Variants in SHANK2 observed in about 807,000 individuals in gnomAD.
SHANK2 encodes SH3 and multiple ankyrin repeat domains 2.
In SHANK2, 43 loss-of-function variants were observed where a neutral mutation model predicts 133.7. The ratio of observed to expected loss-of-function variants is 0.32; its 90% confidence interval spans 0.25 to 0.41. The LOEUF (loss-of-function observed/expected upper bound fraction) is 0.41. Among genes scored for constraint, SHANK2 ranks in the 10% least tolerant of loss-of-function variants. The pLI is 1.00. For synonymous variants in SHANK2, 1,017 were observed against 952.8 expected (o/e 1.07, Z -1.24); for missense variants, 1,994 against 2,235.8 (o/e 0.89, Z 2.18).
chr11:70,641,600 C>T (rs932078293), intron 17 of SHANK2, among the ~76,000 whole-genome samples: 1 of 152,180 alleles, frequency 6.6e-6, no homozygotes, highest in African/African-American at 2.4e-5. Flanking sequence ...TTCTCTTCTG[C>T]CAGCCAGAGG....
intron 1 of SHANK2, among the ~76,000 whole-genome samples, chr11:71,225,706 G>C (rs1262589030): frequency 1.3e-5 from 2 of 152,224 alleles, no homozygotes; most frequent in African/African-American, 4.8e-5. Flanking sequence ...CTGACAAAGA[G>C]TTGAAAGCAA....
intron 17 of SHANK2, among the ~76,000 whole-genome samples, chr11:70,546,545 C>T (rs1221475366): frequency 6.6e-6 from 1 of 152,208 alleles, no homozygotes; most frequent in Non-Finnish European, 1.5e-5. Context: ...AGAGTCCAGA[C>T]ACCTTGCCTC....
chr11:71,094,660 C>T lies in SHANK2; in HGVS notation c.621G>A (p.Leu207=). ...GETPLTLAAQ[L]DDSVEVIKAL... ...CTTTGATGACCTCCACAGAGTCGTCCAGCTGAGCGGCTAAGGTCAGGGGGG... is the reference window on the plus strand; with the variant it reads ...CTTTGATGACCTCCACAGAGTCGTCTAGCTGAGCGGCTAAGGTCAGGGGGG... Residue 207 remains leucine (L), a synonymous_variant, in exon 7 of 26, where the codon CTG becomes CTA. Coordinates refer to ENST00000601538, the MANE Select transcript of SHANK2 (RefSeq NM_012309.5). 6.4e-7 allele frequency: 1 copy of T among 1,551,842 alleles called. No individual in the cohort carries two copies. Among genetic ancestry groups the T allele is most frequent in the Non-Finnish European group, 8.7e-7 (1 of 1,147,008 alleles).
intron 11 of SHANK2, among the ~76,000 whole-genome samples, chr11:70,875,789 G>A (rs944609230): frequency 4.6e-5 from 7 of 151,026 alleles, no homozygotes; most frequent in Admixed American, 4.0e-4. Context: ...CTGGGAGGTC[G>A]AGACCGCAGT....
At position 70,486,938 on chromosome 11, in the gene SHANK2, G is replaced by A. The variant is rs2058817247; in HGVS notation, c.3355C>T (p.Pro1119Ser). ...GGGAACATGGAGGGCCGCGTCCTGG[G>A]GGCGGGTGGCCCCAGGCCCACATCC... ...DEDVGLGPPA[P>S]RTRPSMFPEE... The change falls in exon 25 of 26, where the codon CCC becomes TCC. Residue 1119 changes from proline (P) to serine (S), a missense_variant. Transcript: ENST00000601538. The surrounding 1 kb of genome is among the most constrained non-coding windows in gnomAD (Gnocchi z 8.0). 5.0e-6 allele frequency: 8 copies of A among 1,612,304 alleles called. No homozygotes were observed. The highest frequency in any genetic ancestry group is 4.0e-5 in the African/African-American group (3 of 74,928).
chr11:70,532,867 G>A (rs11236569), intron 17 of SHANK2, among the ~76,000 whole-genome samples: 13,350 of 152,120 alleles, frequency 0.088, 868 homozygotes, highest in East Asian at 0.37. Flanking sequence ...CAGTGTCTAC[G>A]GACAGAGGGA....
intron 21 of SHANK2, among the ~76,000 whole-genome samples, chr11:70,499,796 G>A (rs534209084): frequency 6.6e-6 from 1 of 152,268 alleles, no homozygotes; most frequent in African/African-American, 2.4e-5. Context: ...GACACAGGTC[G>A]GGACAGTGGT....
chr11:70,950,782 T>TGTGTGTGTGTGTATGTGTGG (rs1950822133), intron 10 of SHANK2, among the ~76,000 whole-genome samples: 1 of 152,024 alleles, frequency 6.6e-6, no homozygotes, highest in African/African-American at 2.4e-5. Context: ...TAATTTTGTG[T>TGTGTGTGTGTGTATGTGTGG]GTGTGTGTGT....
In SHANK2 at chr11:70,798,354, C is replaced by T. The variant is rs1446954357; in HGVS notation, c.1777+89G>A. ...AACTCAGCCTCCCTCTACGACGCAA[C>T]GGCCGAATCTTGCCACGGACAACAC... On this transcript the variant is annotated intron_variant, in intron 14 of 25. Coordinates refer to ENST00000601538, the MANE Select transcript of SHANK2 (RefSeq NM_012309.5). 55 of 698,616 alleles carry T rather than the reference C, an allele frequency of 7.9e-5. 1 individual carries two copies. The highest frequency in any genetic ancestry group is 3.7e-4 in the South Asian group (25 of 67,398). 43.3% of individuals were successfully genotyped at this position (698,616 alleles called of 1,614,324 possible).
chr11:70,605,946 AT>A (rs1207620499), intron 17 of SHANK2, among the ~76,000 whole-genome samples: 1 of 151,868 alleles, frequency 6.6e-6, no homozygotes, highest in Non-Finnish European at 1.5e-5. Flanking sequence ...ACAACCTATT[AT>A]TCCCCCCCCT....
chr11:70,689,696 A>G (rs1215625887), intron 15 of SHANK2, among the ~76,000 whole-genome samples: 3 of 152,236 alleles, frequency 2.0e-5, no homozygotes, highest in Admixed American at 6.5e-5. Flanking sequence ...ACCCCCAGAC[A>G]CCTGAACTTC....
At chr11:70,943,667 T>G (rs1166234837) in intron 10 of SHANK2, among the ~76,000 whole-genome samples, 1 of 152,180 alleles carries the variant, frequency 6.6e-6, no homozygotes, top group African/African-American at 2.4e-5. Context: ...CAGTCTTGTT[T>G]GCAACACCCA....
intron 3 of SHANK2, among the ~76,000 whole-genome samples, chr11:71,137,096 C>A (rs1286890408): frequency 6.6e-6 from 1 of 152,080 alleles, no homozygotes; most frequent in Non-Finnish European, 1.5e-5. Context: ...CTCCTGACCT[C>A]AGGTGATCCA....
intron 10 of SHANK2, among the ~76,000 whole-genome samples, chr11:70,944,714 G>T (rs1555085063): frequency 6.6e-6 from 1 of 152,228 alleles, no homozygotes; most frequent in African/African-American, 2.4e-5. Context: ...TTTCAACTGG[G>T]AATCACATCC....
chr11:70,670,430 G>A (rs1555015787), intron 15 of SHANK2, among the ~76,000 whole-genome samples: 1 of 152,226 alleles, frequency 6.6e-6, no homozygotes, highest in Non-Finnish European at 1.5e-5. Context: ...GCTCAGCGGA[G>A]ATGCCAGCTC....
chr11:70,818,434 C>G (rs1555054953), intron 12 of SHANK2, among the ~76,000 whole-genome samples: 1 of 152,198 alleles, frequency 6.6e-6, no homozygotes, highest in Non-Finnish European at 1.5e-5. Context: ...CTTTCCCGAG[C>G]CACATCTAGC....
At chr11:70,707,602 C>G (rs1241859487) in intron 14 of SHANK2, among the ~76,000 whole-genome samples, 1 of 152,126 alleles carries the variant, frequency 6.6e-6, no homozygotes, top group Non-Finnish European at 1.5e-5. Flanking sequence ...CAACCCCAAG[C>G]AGCAAACCAT....
intron 14 of SHANK2, among the ~76,000 whole-genome samples, chr11:70,720,105 C>T (rs918380901): frequency 2.6e-5 from 4 of 152,190 alleles, no homozygotes; most frequent in African/African-American, 4.8e-5. Context: ...ACCATCGGAC[C>T]GCTGGAACCA....
At chr11:70,858,103 A>G (rs1555067121) in intron 11 of SHANK2, among the ~76,000 whole-genome samples, 1 of 152,150 alleles carries the variant, frequency 6.6e-6, no homozygotes, top group Non-Finnish European at 1.5e-5. Flanking sequence ...ATGTGCCAGG[A>G]GCTAAATTTA....
Sources: allele counts gnomAD v4.1 joint callset (sites outside exome capture counted in the v4.1 genomes callset), GRCh38; gene constraint gnomAD v4.1.1; non-coding constraint Gnocchi (gnomAD v3.1); transcripts MANE v1.5; gene names NCBI Gene and HGNC (gene_info 2026-07-23, HGNC 2026-07-21).